Variants in KRT20 observed in about 807,000 individuals in gnomAD.
The protein encoded by KRT20 is keratin, type I cytoskeletal 20.
A neutral mutation model predicts 43.0 loss-of-function variants in KRT20; 41 were observed. That is an observed-to-expected ratio of 0.95 (90% confidence interval 0.74 to 1.24). KRT20 has a LOEUF of 1.24. Ranked by LOEUF, KRT20 falls within the 50% of genes most tolerant of loss-of-function variation. The pLI is 0.00. For synonymous variants in KRT20, 207 were observed against 200.6 expected (o/e 1.03, Z -0.27); for missense variants, 533 against 521.2 (o/e 1.02, Z -0.22).
rs1377602637 is a variant in KRT20, at chr17:40,880,750, A to AAGTC, written c.493_494insGACT (p.Ile165ArgfsTer9). ...GAGATCAGCTTCCACTGTTAGACGTATTCCTCTCTCAGTCTCATACCTGTG... is the reference window on the plus strand; with the variant it reads ...GAGATCAGCTTCCACTGTTAGACGTAAGTCTTCCTCTCTCAGTCTCATACCTGTG... On this transcript the variant is annotated frameshift_variant, in exon 3 of 8. Coordinates refer to ENST00000167588, the MANE Select transcript of KRT20 (RefSeq NM_019010.3). 6 of 1,563,660 alleles carry AAGTC rather than the reference A, an allele frequency of 3.8e-6. 1 individual carries two copies. In the South Asian group the frequency reaches 7.3e-5, roughly 19 times the overall value.
rs1007083245 is a variant in KRT20, at chr17:40,878,303, G to T, written c.981C>A (p.Asn327Lys). ...CCAGAGAGCTCAACAGCGACTGGAG[G>T]TTGGCTAACTGGCTGCTGTAACGGG... ...TKARYSSQLANLQSLLSSLEA... is the reference protein window; with the variant it reads ...TKARYSSQLAKLQSLLSSLEA... Residue 327 changes from asparagine (N) to lysine (K), a missense_variant, in exon 6 of 8, where the codon AAC becomes AAA. Coordinates refer to ENST00000167588, the MANE Select transcript of KRT20 (RefSeq NM_019010.3). 5.0e-6 allele frequency: 8 copies of T among 1,614,066 alleles called. No individual in the cohort carries two copies. The African/African-American group carries it at 9.3e-5, about 19-fold the overall frequency.
At chr17:40,877,175 G>A (rs866970302) in intron 7 of KRT20, among the ~76,000 whole-genome samples, 4 of 152,172 alleles carry the variant, frequency 2.6e-5, no homozygotes, top group Non-Finnish European at 4.4e-5. Context: ...CTTACAAGAT[G>A]CCGGCACCTT....
chr17:40,884,684 A>T, intron 1 of KRT20, 112 bp downstream of exon 1: 2 of 1,228,058 alleles, frequency 1.6e-6, no homozygotes, highest in South Asian at 3.1e-5. Context: ...TAGATGTAAC[A>T]TTTTAGCCTA....
intron 2 of KRT20, 60 bp downstream of exon 2, chr17:40,882,512 T>C: frequency 1.2e-6 from 1 of 830,236 alleles, no homozygotes; most frequent in East Asian, 2.9e-5. Flanking sequence ...GCTGAGTATC[T>C]GGAAGGACTA....
chr17:40,880,395 G>T, intron 3 of KRT20, 134 bp from the exon 4 acceptor site: 1 of 940,426 alleles, frequency 1.1e-6, no homozygotes, highest in Non-Finnish European at 1.5e-6. Context: ...AATAACTTGT[G>T]TTGGGCTTAT....
At chr17:40,878,765 G>A (rs1164880682) in intron 5 of KRT20, among the ~76,000 whole-genome samples, 4 of 151,504 alleles carry the variant, frequency 2.6e-5, no homozygotes, top group Admixed American at 2.0e-4. Context: ...ACTCTCTTTG[G>A]TTAATAAAAT....
intron 7 of KRT20, among the ~76,000 whole-genome samples, chr17:40,876,772 C>T (rs1414708250): frequency 6.6e-6 from 1 of 152,114 alleles, no homozygotes; most frequent in Non-Finnish European, 1.5e-5. Flanking sequence ...ATAGCACAGG[C>T]CAAGAAAATC....
rs1379016226 is a variant in KRT20 at position 40,876,400 on chromosome 17, G to A, written c.1236C>T (p.Val412=). 2 of 1,613,122 alleles carry A rather than the reference G, an allele frequency of 1.2e-6. No individual in the cohort carries two copies. Among genetic ancestry groups the A allele is most frequent in the Non-Finnish European group, 1.7e-6 (2 of 1,179,298 alleles). Residue 412 remains valine (V), a synonymous_variant, in exon 8 of 8, where the codon GTC becomes GTT. Transcript: ENST00000167588. ...CCACCTCTTTGACTTCAGATGACAC[G>A]ACCTTGCCATCCACTACTTCTTGCA... ...TVVQEVVDGK[V]VSSEVKEVEE... is the part of the protein sequence containing the mutation.
Position 40,876,153 on chromosome 17 carries a change from T to C in KRT20, c.*208A>G. On this transcript the variant is annotated 3_prime_UTR_variant, in exon 8 of 8. Transcript: ENST00000167588. The stretch of plus-strand genomic sequence containing the variant: ...ATATTCTAGTGCTCACTGGATTTCA[T>C]TTTTGCAGGCAATTTGCAGCTCCTC... The C allele has an allele frequency of 2.3e-6, 1 of 434,370 alleles. No homozygotes were observed. The highest frequency in any genetic ancestry group is 6.7e-5 in the South Asian group (1 of 15,028). The allele number at this position is 434,370 out of a possible 1,614,324, so 26.9% of individuals were successfully genotyped here. A position where few individuals can be genotyped will look rare whatever the true frequency, so the allele number is the denominator to read the frequency against.
In KRT20 at chr17:40,876,262, A is replaced by G; in HGVS notation, c.*99T>C. 1 of 780,730 alleles carries G rather than the reference A, an allele frequency of 1.3e-6. No individual in the cohort carries two copies. The highest frequency in any genetic ancestry group is 1.5e-5 in the South Asian group (1 of 68,648). 48.4% of individuals were successfully genotyped at this position (780,730 alleles called of 1,614,324 possible). A position where few individuals can be genotyped will look rare whatever the true frequency, so the allele number is the denominator to read the frequency against. ...CCCCTTCTAATCACTGCAGAGTATT[A>G]ATAGTGCTTTCTTATGGCTGATTTC... On this transcript the variant is annotated 3_prime_UTR_variant, in exon 8 of 8. Coordinates refer to ENST00000167588, the MANE Select transcript of KRT20 (RefSeq NM_019010.3).
intron 6 of KRT20, 111 bp downstream of exon 6, chr17:40,878,034 A>G (rs1300427314): frequency 2.2e-6 from 2 of 916,606 alleles, no homozygotes; most frequent in East Asian, 2.4e-5. Flanking sequence ...GTGTGAGTAT[A>G]ATTGCTTCTG....
chr17:40,879,916 A>T lies in KRT20; in HGVS notation c.815T>A (p.Val272Asp), dbSNP rs1303765315. The T allele has an allele frequency of 1.9e-6, 3 of 1,613,784 alleles. No individual in the cohort carries two copies. Among genetic ancestry groups the T allele is most frequent in the Non-Finnish European group, 2.5e-6 (3 of 1,179,996 alleles). Residue 272 changes from valine to aspartate, a missense_variant, in exon 5 of 8, where the codon GTC becomes GAC. Coordinates refer to ENST00000167588, the MANE Select transcript of KRT20 (RefSeq NM_019010.3). Reference sequence around the variant, plus strand: ...TTTTAATTCTTCAGTATTCACTGTGACCTGTTGCTGCAGAACTGCAGTCTA... The same window carrying T: ...TTTTAATTCTTCAGTATTCACTGTGTCCTGTTGCTGCAGAACTGCAGTCTA... ...ERQTAVLQQQ[V>D]TVNTEELKGT...
In KRT20 at chr17:40,882,584, T is replaced by G; in HGVS notation, c.461A>C (p.Asp154Ala). Residue 154 changes from aspartate to alanine, a missense_variant, in exon 2 of 8, where the codon GAC becomes GCC. Asp to Ala is a moderately radical substitution (Grantham distance 126). Coordinates refer to ENST00000167588, the MANE Select transcript of KRT20 (RefSeq NM_019010.3). Reference sequence around the variant, plus strand: ...TTAGGGAACCTACTTCAGTCTGAAGTCCTCAGCAGCCAGTTTAGCATTATC... The same window carrying G: ...TTAGGGAACCTACTTCAGTCTGAAGGCCTCAGCAGCCAGTTTAGCATTATC... ...QIDNAKLAAEDFRLKYETERG... is the reference protein window; with the variant it reads ...QIDNAKLAAEAFRLKYETERG... 1 of 1,566,652 alleles carries G rather than the reference T, an allele frequency of 6.4e-7. No homozygotes were observed. The highest frequency in any genetic ancestry group is 8.7e-7 in the Non-Finnish European group (1 of 1,154,142).
Position 40,877,420 on chromosome 17 carries a change from G to GT in KRT20, c.1140-4dup, listed in dbSNP as rs370577040. On this transcript the variant is annotated splice_region_variant and splice_polypyrimidine_tract_variant and intron_variant, in intron 6 of 7. Coordinates refer to ENST00000167588, the MANE Select transcript of KRT20 (RefSeq NM_019010.3). The stretch of plus-strand genomic sequence containing the variant: ...TGCTTAACTGATATTCTGTAGTTCT[G>GT]TTTTTTTTTTTAATGAAAAGAAGAA... The GT allele has an allele frequency of 0.17, 167,239 of 1,004,360 alleles. 11 individuals are homozygous for GT. Among genetic ancestry groups the GT allele is most frequent in the South Asian group, 0.19 (9,220 of 48,260 alleles). The allele number at this position is 1,004,360 out of a possible 1,614,324, so 62.2% of individuals were successfully genotyped here.
chr17:40,884,244 A>G (rs546796273), intron 1 of KRT20, among the ~76,000 whole-genome samples: 2 of 152,334 alleles, frequency 1.3e-5, no homozygotes, highest in African/African-American at 4.8e-5. Context: ...GCTGATGGTC[A>G]TGTTATTAAA....
chr17:40,883,708 C>T (rs184492546), intron 1 of KRT20, among the ~76,000 whole-genome samples: 51 of 152,324 alleles, frequency 3.3e-4, no homozygotes, highest in Admixed American at 7.2e-4. Context: ...CTCAATGGGA[C>T]GGATGGCCTG....
intron 1 of KRT20, among the ~76,000 whole-genome samples, chr17:40,883,716 C>A (rs1057397190): frequency 6.6e-6 from 1 of 152,248 alleles, no homozygotes; most frequent in Non-Finnish European, 1.5e-5. Flanking sequence ...GACGGATGGC[C>A]TGTGCCTGTG....
Position 40,884,941 on chromosome 17 carries a change from G to T in KRT20, c.245C>A (p.Ala82Glu), listed in dbSNP as rs147128896. The T allele has an allele frequency of 1.7e-5, 27 of 1,614,098 alleles. No individual in the cohort carries two copies. Among genetic ancestry groups the T allele is most frequent in the Non-Finnish European group, 2.2e-5 (26 of 1,180,046 alleles). Reference sequence around the variant, plus strand: ...GGTCCGCACCTTTTCTAGGTAGCTCGCTAGACGGTCATTTAGGTTCTGCAT... The same window carrying T: ...GGTCCGCACCTTTTCTAGGTAGCTCTCTAGACGGTCATTTAGGTTCTGCAT... ...MAMQNLNDRL[A>E]SYLEKVRTLE... The change falls in exon 1 of 8, where the codon GCG (alanine) becomes GAG (glutamate). Residue 82 changes from alanine (A) to glutamate (E), a missense_variant. Transcript: ENST00000167588.
Position 40,880,212 on chromosome 17 carries a change from A to C in KRT20, c.680T>G (p.Val227Gly), listed in dbSNP as rs773388125. Residue 227 changes from valine to glycine, a missense_variant, in exon 4 of 8, where the codon GTT becomes GGT. Val to Gly is a moderately radical substitution (Grantham distance 109, BLOSUM62 -3). Transcript: ENST00000167588. ...KHLGNTVNVE[V>G]DAAPGLNLGV... is the part of the protein sequence containing the mutation. Reference sequence around the variant, plus strand: ...AAGGTTCAGGCCTGGAGCAGCATCAACCTCCACATTGACAGTGTTGCCCAG... The same window carrying C: ...AAGGTTCAGGCCTGGAGCAGCATCACCCTCCACATTGACAGTGTTGCCCAG... The C allele has an allele frequency of 6.2e-7, 1 of 1,613,874 alleles. No individual in the cohort carries two copies. Among genetic ancestry groups the C allele is most frequent in the South Asian group, 1.1e-5 (1 of 91,052 alleles).
Sources: gnomAD v4.1 joint callset for allele counts (sites outside exome capture counted in the v4.1 genomes callset) on GRCh38, gnomAD v4.1.1 for gene constraint, MANE v1.5 for transcripts, NCBI Gene and HGNC (gene_info 2026-07-23, HGNC 2026-07-21) for gene names.